Variants in AOC1 observed in about 807,000 individuals in gnomAD.
AOC1 encodes diamine oxidase [copper-containing].
A neutral mutation model predicts 57.1 loss-of-function variants in AOC1; 58 were observed. That is an observed-to-expected ratio of 1.02 (90% CI 0.82 to 1.26). The LOEUF (loss-of-function observed/expected upper bound fraction) is 1.26. Among genes scored for constraint, AOC1 ranks in the 50% most tolerant of loss-of-function variants. AOC1 has a pLI of 0.00. For synonymous variants in AOC1, 401 were observed against 423.4 expected (o/e 0.95, Z 0.65); for missense variants, 917 against 1,005.3 (o/e 0.91, Z 1.19).
chr7:150,854,565 T>G (rs942307750), intron 1 of AOC1, among the ~76,000 whole-genome samples: 1 of 152,016 alleles, frequency 6.6e-6, no homozygotes, highest in African/African-American at 2.4e-5. Context: ...TGGCAAAGGA[T>G]GTGACACTGG....
chr7:150,861,030 G>C lies in AOC1; in HGVS notation c.2077G>C (p.Gly693Arg), dbSNP rs1799953806. The change falls in exon 5 of 5, where the codon GGC (glycine) becomes CGC (arginine). Residue 693 changes from glycine (G) to arginine (R), a missense_variant. Gly to Arg is a moderately radical substitution (Grantham distance 125). Transcript: ENST00000360937. The surrounding 1 kb of genome is among the most constrained non-coding windows in gnomAD (Gnocchi z 4.5). ...CACAGCCACACCTGGGAACTCCGTG[G>C]GCTTCCTGCTCCGGCCATTCAACTT... is the stretch of plus-strand genomic sequence containing the variant. ...PNTATPGNSV[G>R]FLLRPFNFFP... is the part of the protein sequence containing the mutation. 6.2e-7 allele frequency: 1 copy of C among 1,613,930 alleles called. No individual in the cohort carries two copies. Among genetic ancestry groups the C allele is most frequent in the South Asian group, 1.1e-5 (1 of 91,074 alleles).
chr7:150,860,461 C>G, intron 3 of AOC1, 40 bp from the exon 4 acceptor site: 1 of 1,612,912 alleles, frequency 6.2e-7, no homozygotes. Flanking sequence ...GGGGGCCAGC[C>G]CAGGGCCCTG....
In AOC1 at chr7:150,857,469, G is replaced by C. The variant is rs538463447; in HGVS notation, c.999G>C (p.Gly333=). The C allele has an allele frequency of 2.6e-5, 42 of 1,612,784 alleles. No individual in the cohort carries two copies. The South Asian group carries it at 4.1e-4, about 16-fold the overall frequency. ...SFAFRLRSSS[G]LQVLNVHFGG... is the part of the protein sequence containing the mutation. ...CCTTCCGGCTGCGCTCCTCCTCCGG[G>C]CTGCAGGTCCTGAACGTGCACTTCG... Residue 333 remains glycine, a synonymous_variant, in exon 2 of 5, where the codon GGG becomes GGC. Transcript: ENST00000360937. This position sits in a 1 kb window ranked among gnomAD's most constrained non-coding sequence, Gnocchi z 6.6.
chr7:150,857,372 G>C lies in AOC1; in HGVS notation c.902G>C (p.Arg301Pro). ...AGCCCCATCCATGTGAGCGGCCCCC[G>C]CTTGGTCCAGCCCCACGGCCCTCGC... ...FPSPIHVSGP[R>P]LVQPHGPRFR... is the part of the protein sequence containing the mutation. The change falls in exon 2 of 5, where the codon CGC (arginine) becomes CCC (proline). Residue 301 changes from arginine to proline, a missense_variant. Coordinates refer to ENST00000360937, the MANE Select transcript of AOC1 (RefSeq NM_001091.4). The surrounding 1 kb of genome is among the most constrained non-coding windows in gnomAD (Gnocchi z 6.6). The C allele has an allele frequency of 6.2e-7, 1 of 1,608,088 alleles. No homozygotes were observed. Among genetic ancestry groups the C allele is most frequent in the East Asian group, 2.2e-5 (1 of 44,742 alleles).
chr7:150,857,972 T>A lies in AOC1; in HGVS notation c.1502T>A (p.Leu501Gln), dbSNP rs1159747035. ...TPEGLRHGTR[L>Q]HTHLIGNIHT... ...GAGGGGCTGCGCCACGGCACTCGCCTGCACACCCACCTGATTGGCAACATA... is the reference window on the plus strand; with the variant it reads ...GAGGGGCTGCGCCACGGCACTCGCCAGCACACCCACCTGATTGGCAACATA... The change falls in exon 2 of 5, where the codon CTG becomes CAG. Residue 501 changes from leucine to glutamine, a missense_variant. Physicochemically the swap from Leu to Gln is moderately radical, Grantham distance 113. Coordinates refer to ENST00000360937, the MANE Select transcript of AOC1 (RefSeq NM_001091.4). This position sits in a 1 kb window ranked among gnomAD's most constrained non-coding sequence, Gnocchi z 6.6. 3 of 1,593,370 alleles carry A rather than the reference T, an allele frequency of 1.9e-6. No homozygotes were observed. The highest frequency in any genetic ancestry group is 2.6e-6 in the Non-Finnish European group (3 of 1,173,484).
intron 1 of AOC1, among the ~76,000 whole-genome samples, chr7:150,853,030 G>T (rs559996461): frequency 2.2e-4 from 34 of 152,308 alleles, no homozygotes; most frequent in African/African-American, 7.9e-4. Flanking sequence ...ATCTGAAAAG[G>T]CTGCAGACTG....
intron 3 of AOC1, 46 bp downstream of exon 3, chr7:150,859,094 C>T: frequency 5.4e-6 from 8 of 1,487,304 alleles, no homozygotes; most frequent in Non-Finnish European, 7.2e-6. Context: ...TGGCTTCCCT[C>T]AGTGTGTGTG....
Position 150,861,372 on chromosome 7 carries a change from GCA to G in AOC1, c.*174_*175del, listed in dbSNP as rs923806315. 2.6e-4 allele frequency: 191 copies of G among 740,488 alleles called. No homozygotes were observed. Among genetic ancestry groups the G allele is most frequent in the South Asian group, 7.4e-4 (32 of 42,986 alleles). 45.9% of individuals were successfully genotyped at this position (740,488 alleles called of 1,614,324 possible). ...AACAGACGTGCACACACACAGACGT[GCA>G]CACACACACAGACATGCACACACAC... On this transcript the variant is annotated 3_prime_UTR_variant, in exon 5 of 5. Coordinates refer to ENST00000360937, the MANE Select transcript of AOC1 (RefSeq NM_001091.4). The surrounding 1 kb of genome is among the most constrained non-coding windows in gnomAD (Gnocchi z 4.5).
chr7:150,857,072 T>C lies in AOC1; in HGVS notation c.602T>C (p.Leu201Pro), dbSNP rs1422101125. The change falls in exon 2 of 5, where the codon CTT becomes CCT. Residue 201 changes from leucine to proline, a missense_variant. Leu to Pro is a moderately conservative substitution (Grantham distance 98, BLOSUM62 -3). Transcript: ENST00000360937. This position sits in a 1 kb window ranked among gnomAD's most constrained non-coding sequence, Gnocchi z 6.6. ...GCTTCTGGCCAGCGCCGCAGTTGGCTTATCATACAGCGCTATGTAGAAGGC... is the reference window on the plus strand; with the variant it reads ...GCTTCTGGCCAGCGCCGCAGTTGGCCTATCATACAGCGCTATGTAGAAGGC... ...GVASGQRRSW[L>P]IIQRYVEGYF... 6.2e-7 allele frequency: 1 copy of C among 1,614,104 alleles called. No homozygotes were observed.
At position 150,858,768 on chromosome 7, in the gene AOC1, A is replaced by T; in HGVS notation, c.1576A>T (p.Lys526Ter). 6.3e-7 allele frequency: 1 copy of T among 1,595,210 alleles called. No individual in the cohort carries two copies. The highest frequency in any genetic ancestry group is 8.6e-7 in the Non-Finnish European group (1 of 1,165,128). Residue 526 changes from lysine (K) to a stop codon, truncating the protein, a stop_gained, in exon 3 of 5, where the codon AAG becomes TAG. Transcript: ENST00000360937. LOFTEE classifies it high-confidence loss of function. ...TTCTCCCTGCATACCTCCAGGCACC[A>T]AGAACAGCTTCCAGACACTGCAGAT... ...YRVDLDVAGT[K>*]NSFQTLQMKL... is the part of the protein sequence containing the mutation.
Position 150,860,590 on chromosome 7 carries a change from T to G in AOC1, c.1946T>G (p.Val649Gly). Residue 649 changes from valine (V) to glycine (G), a missense_variant, in exon 4 of 5, where the codon GTC becomes GGC. Val to Gly is a moderately radical substitution (Grantham distance 109). Coordinates refer to ENST00000360937, the MANE Select transcript of AOC1 (RefSeq NM_001091.4). The part of the protein sequence containing the change: ...HQNDPWHPPV[V>G]FEQFLHNNEN... Reference sequence around the variant, plus strand: ...AACGACCCCTGGCACCCGCCCGTGGTCTTTGAGCAGTTTCTTCACAACAAC... The same window carrying G: ...AACGACCCCTGGCACCCGCCCGTGGGCTTTGAGCAGTTTCTTCACAACAAC... 6.2e-7 allele frequency: 1 copy of G among 1,613,986 alleles called. No individual in the cohort carries two copies. The highest frequency in any genetic ancestry group is 1.3e-5 in the African/African-American group (1 of 75,010).
rs1310259319 is a variant in AOC1, at chr7:150,856,604, A to G, written c.134A>G (p.His45Arg). The G allele has an allele frequency of 1.9e-6, 3 of 1,614,018 alleles. No homozygotes were observed. The highest frequency in any genetic ancestry group is 1.7e-6 in the Non-Finnish European group (2 of 1,180,004). Residue 45 changes from histidine (H) to arginine (R), a missense_variant, in exon 2 of 5, where the codon CAC becomes CGC. Coordinates refer to ENST00000360937, the MANE Select transcript of AOC1 (RefSeq NM_001091.4). The surrounding 1 kb of genome is among the most constrained non-coding windows in gnomAD (Gnocchi z 5.2). ...AGCAACCAAGAGCTGAAGGCAGTGC[A>G]CAGCTTCCTCTGGTCCAAGAAGGAG... ...DLSNQELKAV[H>R]SFLWSKKELR...
Position 150,857,033 on chromosome 7 carries a change from C to G in AOC1, c.563C>G (p.Ala188Gly), listed in dbSNP as rs1341632490. 2 of 1,614,066 alleles carry G rather than the reference C, an allele frequency of 1.2e-6. No individual in the cohort carries two copies. The highest frequency in any genetic ancestry group is 1.7e-5 in the Admixed American group (1 of 60,028). ...HDRCLAFTDV[A>G]PRGVASGQRR... ...AGATGCCTGGCCTTCACCGATGTGG[C>G]CCCCCGGGGTGTGGCTTCTGGCCAG... The change falls in exon 2 of 5, where the codon GCC (alanine) becomes GGC (glycine). Residue 188 changes from alanine (A) to glycine (G), a missense_variant. By Grantham distance (60) the Ala-to-Gly change is moderately conservative. Transcript: ENST00000360937. The surrounding 1 kb of genome is among the most constrained non-coding windows in gnomAD (Gnocchi z 6.6).
chr7:150,853,530 T>C lies in AOC1; in HGVS notation c.-17+972T>C, dbSNP rs145489851. 7.5e-3 allele frequency among the ~76,000 whole-genome samples: 1,134 copies of C among 151,864 alleles called. 11 individuals are homozygous for C. The highest frequency in any genetic ancestry group is 0.025 in the African/African-American group (1,056 of 41,444). On this transcript the variant is annotated intron_variant, in intron 1 of 4. Transcript: ENST00000360937. ...TTTATAAAGTCTATTAAGAAATCTA[T>C]TAAAGTCTATTTTTAAAAGTCTATT...
Position 150,860,498 on chromosome 7 carries a change from C to A in AOC1, c.1857-3C>A. ...GCCAAGCTGCTTCGCCTGTGCCTGG[C>A]AGGTACCCCCTGGCAGTGACCAAGT... On this transcript the variant is annotated splice_polypyrimidine_tract_variant and splice_region_variant and intron_variant, in intron 3 of 4. Coordinates refer to ENST00000360937, the MANE Select transcript of AOC1 (RefSeq NM_001091.4). 1 of 1,614,008 alleles carries A rather than the reference C, an allele frequency of 6.2e-7. No individual in the cohort carries two copies.
chr7:150,854,416 T>C (rs976360302), intron 1 of AOC1, among the ~76,000 whole-genome samples: 1 of 152,228 alleles, frequency 6.6e-6, no homozygotes, highest in African/African-American at 2.4e-5. Context: ...CCAACACCTT[T>C]CATTTGTCTA....
Position 150,856,546 on chromosome 7 carries a change from C to G in AOC1, c.76C>G (p.Leu26Val). ...CATGGCGGAGCCCTCCCCGGGGACT[C>G]TGCCCAGGAAGGCAGGGGTGTTTTC... ...TAMAEPSPGT[L>V]PRKAGVFSDL... Residue 26 changes from leucine (L) to valine (V), a missense_variant, in exon 2 of 5, where the codon CTG (leucine) becomes GTG (valine). Physicochemically the swap from Leu to Val is conservative, Grantham distance 32. Transcript: ENST00000360937. The surrounding 1 kb of genome is among the most constrained non-coding windows in gnomAD (Gnocchi z 5.2). The G allele has an allele frequency of 6.2e-7, 1 of 1,614,084 alleles. No individual in the cohort carries two copies. The highest frequency in any genetic ancestry group is 2.2e-5 in the East Asian group (1 of 44,870).
At position 150,856,829 on chromosome 7, in the gene AOC1, C is replaced by A. The variant is rs1439148300; in HGVS notation, c.359C>A (p.Pro120Gln). The A allele has an allele frequency of 6.2e-7, 1 of 1,614,060 alleles. No homozygotes were observed. The highest frequency in any genetic ancestry group is 1.1e-5 in the South Asian group (1 of 91,090). The change falls in exon 2 of 5, where the codon CCA becomes CAA. Residue 120 changes from proline (P) to glutamine (Q), a missense_variant. By Grantham distance (76) the Pro-to-Gln change is moderately conservative. Coordinates refer to ENST00000360937, the MANE Select transcript of AOC1 (RefSeq NM_001091.4). This position sits in a 1 kb window ranked among gnomAD's most constrained non-coding sequence, Gnocchi z 5.2. Reference sequence around the variant, plus strand: ...ACCGAGTTTGCTGTGGGGCCCCTGCCAGGGCCCTGCTACATGCGAGCACTG... The same window carrying A: ...ACCGAGTTTGCTGTGGGGCCCCTGCAAGGGCCCTGCTACATGCGAGCACTG... The part of the protein sequence containing the change: ...NVTEFAVGPL[P>Q]GPCYMRALSP...
intron 2 of AOC1, 116 bp from the exon 3 acceptor site, chr7:150,858,647 T>C: frequency 8.6e-7 from 1 of 1,158,210 alleles, no homozygotes; most frequent in Non-Finnish European, 1.2e-6. Context: ...AACATCCCGG[T>C]TATTCAAGAC....
Sources: gnomAD v4.1 joint callset for allele counts (sites outside exome capture counted in the v4.1 genomes callset) on GRCh38, gnomAD v4.1.1 for gene constraint, Gnocchi (gnomAD v3.1) non-coding constraint, MANE v1.5 for transcripts, NCBI Gene and HGNC (gene_info 2026-07-23, HGNC 2026-07-21) for gene names.